Variants in TGFBR3 observed in about 807,000 individuals in gnomAD.
TGFBR3 encodes transforming growth factor beta receptor type 3.
In TGFBR3, 46 loss-of-function variants were observed where a neutral mutation model predicts 87.9. The observed-to-expected ratio is 0.52, with a 90% CI of 0.41 to 0.67. The LOEUF (loss-of-function observed/expected upper bound fraction) is 0.67, where lower values mean the gene tolerates loss of function less well. TGFBR3 is among the 30% of genes least tolerant of loss of function. The probability of loss-of-function intolerance (pLI) is 0.00; values close to 1 mark genes in which losing one functional copy is unlikely to be tolerated. For synonymous variants in TGFBR3, 381 were observed against 391.6 expected, an observed-to-expected ratio of 0.97 and a Z score of 0.32; for missense variants, 866 against 1,041.9, an observed-to-expected ratio of 0.83 and a Z score of 2.32.
intron 2 of TGFBR3, among the ~76,000 whole-genome samples, chr1:91,843,234 G>A (rs948801134): frequency 6.6e-6 from 1 of 152,154 alleles, no homozygotes; most frequent in Non-Finnish European, 1.5e-5. Flanking sequence ...GATGGGGCAC[G>A]CTAACAGGTG....
chr1:91,815,242 C>T (rs929268269), intron 2 of TGFBR3, among the ~76,000 whole-genome samples: 2 of 141,288 alleles, frequency 1.4e-5, no homozygotes, highest in Non-Finnish European at 3.1e-5. Context: ...GCGGAGGTTG[C>T]AGTGAGCTGG....
intron 7 of TGFBR3, 53 bp downstream of exon 7, chr1:91,727,606 T>C (rs1672593870): frequency 3.1e-6 from 5 of 1,607,108 alleles, no homozygotes; most frequent in Admixed American, 3.3e-5. Flanking sequence ...AAGTACAGCT[T>C]AAATTGTTGT....
intron 2 of TGFBR3, among the ~76,000 whole-genome samples, chr1:91,842,342 G>A (rs969007089): frequency 6.6e-6 from 1 of 152,104 alleles, no homozygotes; most frequent in Non-Finnish European, 1.5e-5. Context: ...TGGTTAGACT[G>A]GGACTGAGCC....
chr1:91,743,162 T>C (rs1571464009), intron 4 of TGFBR3, among the ~76,000 whole-genome samples: 2 of 152,198 alleles, frequency 1.3e-5, no homozygotes, highest in East Asian at 3.9e-4. Flanking sequence ...TGAGGTTCTT[T>C]GCTTTAGCAC....
At position 91,767,533 on chromosome 1, in the gene TGFBR3, C is replaced by G. The variant is rs183309767; in HGVS notation, c.247-8783G>C. 5.4e-4 allele frequency among the ~76,000 whole-genome samples: 72 copies of G among 133,468 alleles called. 20 individuals are homozygous for G. The highest frequency in any genetic ancestry group is 2.0e-3 in the African/African-American group (71 of 35,636). 87.6% of individuals were successfully genotyped at this position (133,468 alleles called of 152,430 possible). ...ATGGCTCCTGTTGAGATTTGCTGCT[C>G]TCATCAAAAGGAAGTGCTCTGCGTA... is the stretch of plus-strand genomic sequence containing the variant. On this transcript the variant is annotated intron_variant, in intron 3 of 16. Transcript: ENST00000212355.
intron 1 of TGFBR3, among the ~76,000 whole-genome samples, chr1:91,870,690 G>C (rs1678549006): frequency 6.6e-6 from 1 of 152,136 alleles, no homozygotes; most frequent in African/African-American, 2.4e-5. Flanking sequence ...TAGTGAGAAA[G>C]GTGAGGCTTC....
chr1:91,709,624 C>T (rs1671912931), intron 13 of TGFBR3, among the ~76,000 whole-genome samples: 1 of 152,160 alleles, frequency 6.6e-6, no homozygotes, highest in African/African-American at 2.4e-5. Flanking sequence ...GTTGTGGAGG[C>T]CATGAGATTA....
intron 2 of TGFBR3, among the ~76,000 whole-genome samples, chr1:91,860,934 CAAAAAAAAAAAA>C (rs3039477): frequency 2.0e-4 from 7 of 35,634 alleles, no homozygotes; most frequent in South Asian, 2.5e-3. Flanking sequence ...TCTGTCTCCA[CAAAAAAAAAAAA>C]AAAAAAAAAA....
chr1:91,699,493 T>C (rs1330575504), intron 14 of TGFBR3, among the ~76,000 whole-genome samples: 1 of 143,328 alleles, frequency 7.0e-6, no homozygotes, highest in Non-Finnish European at 1.5e-5. Context: ...CATCTGTATA[T>C]CCCCAAGGGC....
chr1:91,855,965 T>C (rs543636230), intron 2 of TGFBR3, among the ~76,000 whole-genome samples: 1 of 152,252 alleles, frequency 6.6e-6, no homozygotes, highest in South Asian at 2.1e-4. Flanking sequence ...AGAGGCATTA[T>C]GGTCCTTACA....
intron 9 of TGFBR3, 64 bp downstream of exon 9, chr1:91,719,829 G>T: frequency 6.4e-7 from 1 of 1,558,268 alleles, no homozygotes. Flanking sequence ...AATTACAGAT[G>T]CAGACTAGGG....
intron 1 of TGFBR3, among the ~76,000 whole-genome samples, chr1:91,875,780 C>CGGGGG (rs1204497451): frequency 1.5e-4 from 1 of 6,848 alleles, no homozygotes; most frequent in Non-Finnish European, 3.5e-4. Flanking sequence ...CCCAGCTACT[C>CGGGGG]GGGCGGGGGG....
Position 91,682,758 on chromosome 1 carries a change from C to T in TGFBR3, c.*981G>A, listed in dbSNP as rs1276946361. Reference sequence around the variant, plus strand: ...CACCCTACCAAATATACTTAAGTTGCAACTCTAAAAGCATAAGGACATTTT... The same window carrying T: ...CACCCTACCAAATATACTTAAGTTGTAACTCTAAAAGCATAAGGACATTTT... On this transcript the variant is annotated 3_prime_UTR_variant, in exon 17 of 17. Transcript: ENST00000212355. The T allele has an allele frequency of 2.2e-6, 1 of 453,774 alleles. No homozygotes were observed. Among genetic ancestry groups the T allele is most frequent in the African/African-American group, 2.0e-5 (1 of 49,918 alleles). 28.1% of individuals were successfully genotyped at this position (453,774 alleles called of 1,614,324 possible). A position where few individuals can be genotyped will look rare whatever the true frequency, so the allele number is the denominator to read the frequency against.
chr1:91,764,922 C>T (rs1674119189), intron 3 of TGFBR3, among the ~76,000 whole-genome samples: 1 of 152,168 alleles, frequency 6.6e-6, no homozygotes, highest in African/African-American at 2.4e-5. Context: ...TCTGCCTCTG[C>T]CTGGCACTAT....
At chr1:91,840,932 T>G (rs1308042375) in intron 2 of TGFBR3, among the ~76,000 whole-genome samples, 2 of 152,144 alleles carry the variant, frequency 1.3e-5, no homozygotes, top group Non-Finnish European at 2.9e-5. Flanking sequence ...TGCCTCAGCC[T>G]CCTGAGTAGC....
intron 2 of TGFBR3, among the ~76,000 whole-genome samples, chr1:91,898,171 C>G (rs554041522): frequency 6.6e-6 from 1 of 152,248 alleles, no homozygotes; most frequent in South Asian, 2.1e-4. Context: ...AAATCAATTA[C>G]TCTCCCAGTC....
chr1:91,820,364 C>A (rs1054765981), intron 2 of TGFBR3, among the ~76,000 whole-genome samples: 2 of 152,116 alleles, frequency 1.3e-5, no homozygotes, highest in African/African-American at 4.8e-5. Context: ...ATGTTAACTG[C>A]CACAGTATTT....
At position 91,860,034 on chromosome 1, in the gene TGFBR3, T is replaced by C. The variant is rs1039130299; in HGVS notation, c.61+1437A>G. 9.9e-5 allele frequency among the ~76,000 whole-genome samples: 15 copies of C among 152,214 alleles called. No individual in the cohort carries two copies. In the South Asian group the frequency reaches 1.2e-3, roughly 13 times the overall value. ...GCACACAACCCCAGATCTGAGTCTATTGGAGTCTTAAGGGAGATCTGGTTT... is the reference window on the plus strand; with the variant it reads ...GCACACAACCCCAGATCTGAGTCTACTGGAGTCTTAAGGGAGATCTGGTTT... On this transcript the variant is annotated intron_variant, in intron 2 of 16. Transcript: ENST00000212355.
chr1:91,740,187 G>A (rs1216979591), intron 4 of TGFBR3, among the ~76,000 whole-genome samples: 2 of 152,076 alleles, frequency 1.3e-5, no homozygotes, highest in Non-Finnish European at 2.9e-5. Flanking sequence ...AGCCTCCCGA[G>A]TAGCTGGGAT....
Sources: gnomAD v4.1 joint callset for allele counts (sites outside exome capture counted in the v4.1 genomes callset) on GRCh38, gnomAD v4.1.1 for gene constraint, MANE v1.5 for transcripts, NCBI Gene and HGNC (gene_info 2026-07-23, HGNC 2026-07-21) for gene names.